C9orf43: variants seen among roughly 807,000 people sequenced by gnomAD.
C9orf43 encodes chromosome 9 open reading frame 43, also known as uncharacterized protein C9orf43.
C9orf43 carries 45 observed loss-of-function variants against 59.1 expected under a neutral mutation model. The ratio of observed to expected loss-of-function variants is 0.76; its 90% CI spans 0.60 to 0.98. C9orf43 has a LOEUF of 0.98. Among genes scored for constraint, C9orf43 ranks in the 50% least tolerant of loss-of-function variants. The pLI is 0.00. For missense variants in C9orf43, 533 were observed against 554.9 expected (o/e 0.96, Z 0.40); for synonymous variants, 203 against 196.8 (o/e 1.03, Z -0.26).
intron 1 of C9orf43, among the ~76,000 whole-genome samples, chr9:113,411,302 C>CTT (rs200343845): frequency 2.0e-4 from 29 of 142,082 alleles, no homozygotes; most frequent in Admixed American, 2.8e-4. Flanking sequence ...AATGGCGTTT[C>CTT]TTTTTTTTTT....
Position 113,421,122 on chromosome 9 carries a change from A to G in C9orf43, c.365A>G (p.Asn122Ser). Reference protein sequence around the residue: ...RLPKFPVLNLNETQLPCPEDV... With the variant: ...RLPKFPVLNLSETQLPCPEDV... Reference sequence around the variant, plus strand: ...TCTTAGTTTCCAGTGTTGAATTTGAATGAGACGCAACTTCCCTGCCCTGAA... The same window carrying G: ...TCTTAGTTTCCAGTGTTGAATTTGAGTGAGACGCAACTTCCCTGCCCTGAA... The change falls in exon 5 of 14, where the codon AAT becomes AGT. Residue 122 changes from asparagine to serine, a missense_variant. Asn to Ser is a conservative substitution (Grantham distance 46). Coordinates refer to ENST00000374165, the MANE Select transcript of C9orf43 (RefSeq NM_001278629.2). 6.2e-7 allele frequency: 1 copy of G among 1,613,720 alleles called. No homozygotes were observed. Among genetic ancestry groups the G allele is most frequent in the Non-Finnish European group, 8.5e-7 (1 of 1,179,760 alleles).
intron 3 of C9orf43, among the ~76,000 whole-genome samples, chr9:113,414,432 G>T (rs112946364): frequency 6.6e-6 from 1 of 151,508 alleles, no homozygotes; most frequent in Non-Finnish European, 1.5e-5. Context: ...GCACCACCAC[G>T]CCTGGTTAAT....
chr9:113,422,314 A>G (rs1310752449), intron 5 of C9orf43, among the ~76,000 whole-genome samples: 1 of 152,184 alleles, frequency 6.6e-6, no homozygotes, highest in African/African-American at 2.4e-5. Context: ...GGGAAACCTA[A>G]TTTAGATATG....
intron 3 of C9orf43, among the ~76,000 whole-genome samples, chr9:113,418,823 A>G (rs1046184519): frequency 1.3e-5 from 2 of 152,230 alleles, no homozygotes; most frequent in African/African-American, 4.8e-5. Context: ...ATTAACTTTC[A>G]TTGATGGTGA....
chr9:113,426,319 T>C (rs1050975631), intron 11 of C9orf43, among the ~76,000 whole-genome samples: 11 of 152,194 alleles, frequency 7.2e-5, no homozygotes, highest in African/African-American at 2.4e-5. Context: ...CTCCCCTTTT[T>C]GGAGTCGTTA....
rs370242258 is a variant in C9orf43 at position 113,421,108 on chromosome 9, A to G, written c.351A>G (p.Pro117=). The change falls in exon 5 of 14, where the codon CCA becomes CCG. Residue 117 remains proline (P), a synonymous_variant. Transcript: ENST00000374165. ...GCTTTATATCTTTCTCTTAGTTTCC[A>G]GTGTTGAATTTGAATGAGACGCAAC... ...INCTNRLPKF[P]VLNLNETQLP... The G allele has an allele frequency of 3.2e-5, 52 of 1,612,438 alleles. No homozygotes were observed. The highest frequency in any genetic ancestry group is 4.2e-5 in the Non-Finnish European group (50 of 1,178,782).
rs2119102594 is a variant in C9orf43, at chr9:113,425,627, C to G, written c.943-16C>G. ...TTCCAAAAATCCTAATTTGTTCCTC[C>G]TGATGTGGGTTTCAGGAGGCTAAAA... On this transcript the variant is annotated splice_polypyrimidine_tract_variant and intron_variant, in intron 10 of 13. Transcript: ENST00000374165. The G allele has an allele frequency of 6.2e-7, 1 of 1,611,252 alleles. No individual in the cohort carries two copies. The highest frequency in any genetic ancestry group is 8.5e-7 in the Non-Finnish European group (1 of 1,178,566).
chr9:113,419,176 G>C lies in C9orf43; in HGVS notation c.345+11G>C. 6.3e-7 allele frequency: 1 copy of C among 1,592,090 alleles called. No homozygotes were observed. The highest frequency in any genetic ancestry group is 8.6e-7 in the Non-Finnish European group (1 of 1,166,684). On this transcript the variant is annotated intron_variant, in intron 4 of 13. Coordinates refer to ENST00000374165, the MANE Select transcript of C9orf43 (RefSeq NM_001278629.2). Reference sequence around the variant, plus strand: ...AACAGACTTCCCAAAGTAAGTCATAGATTTTAAAAGTACTTCTTCAACATT... The same window carrying C: ...AACAGACTTCCCAAAGTAAGTCATACATTTTAAAAGTACTTCTTCAACATT...
chr9:113,429,215 T>C lies in C9orf43; in HGVS notation c.1215T>C (p.Ser405=). ...CAGAACCCACTAACAAGGACATTAGTGCTCCAGTGGACGCTGTGCCAGAAG... is the reference window on the plus strand; with the variant it reads ...CAGAACCCACTAACAAGGACATTAGCGCTCCAGTGGACGCTGTGCCAGAAG... The part of the protein sequence containing the change: ...YETEPTNKDI[S]APVDAVPEAQ... Residue 405 remains serine (S), a synonymous_variant, in exon 14 of 14, where the codon AGT becomes AGC. Transcript: ENST00000374165. 6.2e-7 allele frequency: 1 copy of C among 1,614,262 alleles called. No homozygotes were observed. The highest frequency in any genetic ancestry group is 8.5e-7 in the Non-Finnish European group (1 of 1,180,040).
At chr9:113,424,428 T>G in intron 8 of C9orf43, 112 bp downstream of exon 8, 3 of 1,159,548 alleles carry the variant, frequency 2.6e-6, no homozygotes, top group Non-Finnish European at 3.6e-6. Flanking sequence ...GCCTTTCCAC[T>G]CTGAACCCAT....
chr9:113,424,345 G>T, intron 8 of C9orf43, 29 bp downstream of exon 8: 1 of 1,573,338 alleles, frequency 6.4e-7, no homozygotes, highest in South Asian at 1.2e-5. Flanking sequence ...CAGGGAAGAA[G>T]CCTATGTGAA....
Position 113,429,251 on chromosome 9 carries a change from C to G in C9orf43, c.1251C>G (p.Ala417=). ...PVDAVPEAQA[A]RQKKISFNFS... is the part of the protein sequence containing the mutation. ...ACGCTGTGCCAGAAGCCCAGGCTGCCAGGCAAAAGAAGATCTCCTTTAACT... is the reference window on the plus strand; with the variant it reads ...ACGCTGTGCCAGAAGCCCAGGCTGCGAGGCAAAAGAAGATCTCCTTTAACT... Residue 417 remains alanine (A), a synonymous_variant, in exon 14 of 14, where the codon GCC becomes GCG. Coordinates refer to ENST00000374165, the MANE Select transcript of C9orf43 (RefSeq NM_001278629.2). The G allele has an allele frequency of 6.2e-7, 1 of 1,614,218 alleles. No individual in the cohort carries two copies. Among genetic ancestry groups the G allele is most frequent in the Non-Finnish European group, 8.5e-7 (1 of 1,180,032 alleles).
At chr9:113,425,151 C>A in intron 9 of C9orf43, 75 bp downstream of exon 9, 1 of 1,510,866 alleles carries the variant, frequency 6.6e-7, no homozygotes, top group South Asian at 1.1e-5. Context: ...TTAACGTGGT[C>A]CAATTCAGTT....
intron 1 of C9orf43, among the ~76,000 whole-genome samples, chr9:113,412,252 A>C (rs1207166700): frequency 6.6e-6 from 1 of 152,230 alleles, no homozygotes; most frequent in Non-Finnish European, 1.5e-5. Context: ...AGTGTTGTCA[A>C]GTATTTTGGT....
At position 113,413,556 on chromosome 9, in the gene C9orf43, C is replaced by G; in HGVS notation, c.63C>G (p.His21Gln). The part of the protein sequence containing the change: ...ETTCGLAVCQ[H>Q]PQCWATIRRI... ...CCTGTGGCTTGGCTGTTTGTCAGCACCCACAATGCTGGGCAACTATCCGCC... is the reference window on the plus strand; with the variant it reads ...CCTGTGGCTTGGCTGTTTGTCAGCAGCCACAATGCTGGGCAACTATCCGCC... Residue 21 changes from histidine to glutamine, a missense_variant, in exon 2 of 14, where the codon CAC becomes CAG. Transcript: ENST00000374165. 3.1e-6 allele frequency: 5 copies of G among 1,614,196 alleles called. No homozygotes were observed.
chr9:113,417,644 G>T (rs1219263150), intron 3 of C9orf43, among the ~76,000 whole-genome samples: 2 of 152,256 alleles, frequency 1.3e-5, no homozygotes, highest in Non-Finnish European at 2.9e-5. Context: ...TAGACTGGAA[G>T]TCTGAGCAGT....
chr9:113,422,704 A>G (rs1207442702), intron 6 of C9orf43, 119 bp downstream of exon 6: 1 of 1,156,900 alleles, frequency 8.6e-7, no homozygotes. Flanking sequence ...CAAATCTGCT[A>G]AAGAAAACCC....
intron 4 of C9orf43, among the ~76,000 whole-genome samples, chr9:113,420,326 C>T (rs1438621096): frequency 6.6e-6 from 1 of 152,192 alleles, no homozygotes; most frequent in South Asian, 2.1e-4. Context: ...CTCCCAGCCT[C>T]AAGCAATCCT....
Position 113,419,172 on chromosome 9 carries a change from C to A in C9orf43, c.345+7C>A. 1 of 1,600,804 alleles carries A rather than the reference C, an allele frequency of 6.2e-7. No individual in the cohort carries two copies. The highest frequency in any genetic ancestry group is 1.1e-5 in the South Asian group (1 of 88,202). On this transcript the variant is annotated splice_region_variant and intron_variant, in intron 4 of 13. Coordinates refer to ENST00000374165, the MANE Select transcript of C9orf43 (RefSeq NM_001278629.2). ...TACTAACAGACTTCCCAAAGTAAGT[C>A]ATAGATTTTAAAAGTACTTCTTCAA... is the stretch of plus-strand genomic sequence containing the variant.
Sources: gnomAD v4.1 joint callset for allele counts (sites outside exome capture counted in the v4.1 genomes callset) on GRCh38, gnomAD v4.1.1 for gene constraint, MANE v1.5 for transcripts, NCBI Gene and HGNC (gene_info 2026-07-23, HGNC 2026-07-21) for gene names.